The following SLC12A1 variants were observed in gnomAD, a reference collection of about 807,000 sequenced individuals.
The protein encoded by SLC12A1 is solute carrier family 12 member 1.
Under a neutral mutation model 130.4 loss-of-function variants are expected in SLC12A1, and 89 were observed. That is an observed-to-expected ratio of 0.68 (90% CI 0.58 to 0.81). SLC12A1 has a LOEUF of 0.81. Among genes scored for constraint, SLC12A1 ranks in the 40% least tolerant of loss-of-function variants. The pLI is 0.00. For missense variants in SLC12A1, 1,310 were observed against 1,336.4 expected (o/e 0.98, Z 0.31); for synonymous variants, 499 against 460.0 (o/e 1.08, Z -1.09).
Position 48,226,462 on chromosome 15 carries a change from T to G in SLC12A1, c.629-14T>G. The G allele has an allele frequency of 6.7e-7, 1 of 1,482,248 alleles. No homozygotes were observed. The highest frequency in any genetic ancestry group is 9.3e-7 in the Non-Finnish European group (1 of 1,077,762). The allele number at this position is 1,482,248 out of a possible 1,614,324, so 91.8% of individuals were successfully genotyped here. A position where few individuals can be genotyped will look rare whatever the true frequency, so the allele number is the denominator to read the frequency against. On this transcript the variant is annotated splice_polypyrimidine_tract_variant and intron_variant, in intron 4 of 26. Transcript: ENST00000380993. ...AAGTAAAATGCAATATCTTCTATCT[T>G]TCATTGCTAACAGGTCTTGGAGTTC...
At position 48,303,163 on chromosome 15, in the gene SLC12A1, C is replaced by G; in HGVS notation, c.*278C>G. On this transcript the variant is annotated 3_prime_UTR_variant, in exon 27 of 27. Coordinates refer to ENST00000380993, the MANE Select transcript of SLC12A1 (RefSeq NM_000338.3). ...TCAAGGAAACTCATGTTGGCTTATG[C>G]TCATGAAAACCACCAATGTGATTGT... 1 of 263,488 alleles carries G rather than the reference C, an allele frequency of 3.8e-6. No homozygotes were observed. The highest frequency in any genetic ancestry group is 7.1e-6 in the Non-Finnish European group (1 of 140,790). The allele number at this position is 263,488 out of a possible 1,614,324, so 16.3% of individuals were successfully genotyped here. A position where few individuals can be genotyped will look rare whatever the true frequency, so the allele number is the denominator to read the frequency against.
At chr15:48,236,774 C>CTG (rs2041445050) in intron 9 of SLC12A1, among the ~76,000 whole-genome samples, 1 of 152,226 alleles carries the variant, frequency 6.6e-6, no homozygotes, top group South Asian at 2.1e-4. Flanking sequence ...AGTATCACTG[C>CTG]TGAATGAAAT....
rs1293429875 is a variant in SLC12A1, at chr15:48,243,644, ACT to A, written c.1301-1106_1301-1105del. Reference sequence around the variant, plus strand: ...ACTCCAGCCTGGGTGACAGAGCGAGACTCTGTCTCAAAAACAAAAACAAACAA... The same window carrying A: ...ACTCCAGCCTGGGTGACAGAGCGAGACTGTCTCAAAAACAAAAACAAACAA... On this transcript the variant is annotated intron_variant, in intron 10 of 26. Coordinates refer to ENST00000380993, the MANE Select transcript of SLC12A1 (RefSeq NM_000338.3). Among the ~76,000 whole-genome samples, 4 of 152,172 alleles carry A rather than the reference ACT, an allele frequency of 2.6e-5. No homozygotes were observed. The East Asian group carries it at 5.8e-4, about 22-fold the overall frequency.
chr15:48,225,871 C>T (rs1292183851), intron 4 of SLC12A1: 6 of 983,696 alleles, frequency 6.1e-6, no homozygotes, highest in African/African-American at 1.7e-5. Flanking sequence ...TGATTATCAT[C>T]GGCTTAGCCG....
chr15:48,264,887 T>C (rs1425657060), intron 17 of SLC12A1, among the ~76,000 whole-genome samples: 4 of 152,170 alleles, frequency 2.6e-5, no homozygotes, highest in Non-Finnish European at 5.9e-5. Flanking sequence ...TAATTAGAAA[T>C]GCTTTACCCC....
At chr15:48,282,291 G>A (rs1035337278) in intron 20 of SLC12A1, among the ~76,000 whole-genome samples, 2 of 152,114 alleles carry the variant, frequency 1.3e-5, no homozygotes, top group African/African-American at 4.8e-5. Context: ...TTGTCTCTCA[G>A]GCCTGCAATT....
intron 17 of SLC12A1, among the ~76,000 whole-genome samples, chr15:48,260,485 T>C (rs2041762844): frequency 6.6e-6 from 1 of 152,162 alleles, no homozygotes; most frequent in Non-Finnish European, 1.5e-5. Flanking sequence ...GTTTTTCTTA[T>C]TGGAGCCACA....
Position 48,253,912 on chromosome 15 carries a change from C to G in SLC12A1, c.1943-1899C>G, listed in dbSNP as rs567479100. Among the ~76,000 whole-genome samples, 5 of 152,288 alleles carry G rather than the reference C, an allele frequency of 3.3e-5. No individual in the cohort carries two copies. The South Asian group carries it at 1.0e-3, about 32-fold the overall frequency. On this transcript the variant is annotated intron_variant, in intron 15 of 26. Coordinates refer to ENST00000380993, the MANE Select transcript of SLC12A1 (RefSeq NM_000338.3). ...TAATTTGCATTTTCCCAATGATTAA[C>G]GATGTTGAACATCTTATTTGCCATC...
chr15:48,289,863 C>G (rs1249830803), intron 23 of SLC12A1, among the ~76,000 whole-genome samples: 1 of 152,130 alleles, frequency 6.6e-6, no homozygotes, highest in Non-Finnish European at 1.5e-5. Context: ...CACGACTACA[C>G]TACTGTAGAT....
At chr15:48,225,832 T>A in intron 4 of SLC12A1, 1 of 898,174 alleles carries the variant, frequency 1.1e-6, no homozygotes, top group Non-Finnish European at 1.3e-6. Context: ...AATACCTTTA[T>A]TTTTCCTCTT....
chr15:48,239,724 C>T (rs1049467284), intron 9 of SLC12A1, among the ~76,000 whole-genome samples: 8 of 151,602 alleles, frequency 5.3e-5, no homozygotes, highest in Non-Finnish European at 8.8e-5. Flanking sequence ...AATCTCGGCT[C>T]ACTGCAACCT....
In SLC12A1 at chr15:48,299,205, C is replaced by G; in HGVS notation, c.3026C>G (p.Thr1009Ser). ...CATGAAAGCTGCAAAGATTTAACAA[C>G]TGCTGAGAAATTAAAAAGAGAAACT... ...RLHESCKDLT[T>S]AEKLKRETPW... The change falls in exon 25 of 27, where the codon ACT (threonine) becomes AGT (serine). Residue 1009 changes from threonine (T) to serine (S), a missense_variant. By Grantham distance (58) the Thr-to-Ser change is moderately conservative. Transcript: ENST00000380993. 1 of 1,608,504 alleles carries G rather than the reference C, an allele frequency of 6.2e-7. No individual in the cohort carries two copies. The highest frequency in any genetic ancestry group is 8.5e-7 in the Non-Finnish European group (1 of 1,178,124).
At chr15:48,253,725 C>T (rs995632266) in intron 15 of SLC12A1, among the ~76,000 whole-genome samples, 14 of 152,044 alleles carry the variant, frequency 9.2e-5, no homozygotes, top group African/African-American at 2.2e-4. Flanking sequence ...TAACTTTATA[C>T]GAAACTGCCA....
intron 17 of SLC12A1, among the ~76,000 whole-genome samples, chr15:48,265,862 G>T (rs550776780): frequency 6.6e-6 from 1 of 152,080 alleles, no homozygotes; most frequent in Admixed American, 6.6e-5. Context: ...AAATTTTCTA[G>T]TAGCCAATTA....
chr15:48,236,314 AG>A (rs2041440030), intron 9 of SLC12A1, among the ~76,000 whole-genome samples: 1 of 152,248 alleles, frequency 6.6e-6, no homozygotes. Flanking sequence ...GATTTTCTCA[AG>A]GAAATAATTT....
chr15:48,302,971 T>C lies in SLC12A1; in HGVS notation c.*86T>C, dbSNP rs2042252547. The C allele has an allele frequency of 7.6e-6, 8 of 1,049,484 alleles. No homozygotes were observed. The East Asian group carries it at 1.8e-4, about 24-fold the overall frequency. 65.0% of individuals were successfully genotyped at this position (1,049,484 alleles called of 1,614,324 possible). The stretch of plus-strand genomic sequence containing the variant: ...AGTACTTTATGTTGTAAATCTGATC[T>C]ATGGATATGCAAACCTCTGGAGAGG... On this transcript the variant is annotated 3_prime_UTR_variant, in exon 27 of 27. Coordinates refer to ENST00000380993, the MANE Select transcript of SLC12A1 (RefSeq NM_000338.3).
chr15:48,221,813 G>A (rs934820778), intron 4 of SLC12A1, among the ~76,000 whole-genome samples: 7 of 152,046 alleles, frequency 4.6e-5, no homozygotes, highest in African/African-American at 4.8e-5. Context: ...TTCACTTTCC[G>A]GAGAAGACTT....
intron 9 of SLC12A1, among the ~76,000 whole-genome samples, chr15:48,235,561 C>G (rs986808526): frequency 1.3e-5 from 2 of 152,026 alleles, no homozygotes; most frequent in Non-Finnish European, 2.9e-5. Context: ...GTCCCAGACA[C>G]TTGGGAGGCT....
chr15:48,213,227 C>A (rs1003480151), intron 2 of SLC12A1, among the ~76,000 whole-genome samples: 4 of 152,154 alleles, frequency 2.6e-5, no homozygotes, highest in African/African-American at 9.7e-5. Flanking sequence ...TTTCCCTTGG[C>A]ACTTTTCATT....
Sources: allele counts gnomAD v4.1 joint callset (sites outside exome capture counted in the v4.1 genomes callset), GRCh38; gene constraint gnomAD v4.1.1; transcripts MANE v1.5; gene names NCBI Gene and HGNC (gene_info 2026-07-23, HGNC 2026-07-21).